Variants in DST observed in about 807,000 individuals in gnomAD.
DST encodes the protein dystonin.
A neutral mutation model predicts 875.2 loss-of-function variants in DST; 253 were observed. That is an observed-to-expected ratio of 0.29 (90% CI 0.26 to 0.32). The LOEUF is 0.32. DST is among the 10% of genes least tolerant of loss of function. The pLI, the probability that DST is intolerant of heterozygous loss-of-function variation, is 1.00. For synonymous variants in DST, 3,124 were observed against 3,197.1 expected, an observed-to-expected ratio of 0.98 and a Z score of 0.77; for missense variants, 8,287 against 9,111.6, an observed-to-expected ratio of 0.91 and a Z score of 3.68.
At chr6:56,747,117 G>A (rs558951913) in intron 4 of DST, among the ~76,000 whole-genome samples, 4 of 152,186 alleles carry the variant, frequency 2.6e-5, no homozygotes, top group Non-Finnish European at 4.4e-5. Flanking sequence ...ATTATACTGC[G>A]TGAAGAGTCT....
chr6:56,841,074 A>T (rs149756924), intron 4 of DST, among the ~76,000 whole-genome samples: 78 of 152,340 alleles, frequency 5.1e-4, no homozygotes, highest in African/African-American at 1.6e-3. Flanking sequence ...CTGAACGTTT[A>T]GTGAACTGAC....
chr6:56,851,830 A>G (rs1319485123), intron 3 of DST: 15 of 1,551,686 alleles, frequency 9.7e-6, no homozygotes, highest in Non-Finnish European at 1.2e-5. Context: ...AACAATACAC[A>G]GGCAGTTTCA....
chr6:56,744,507 T>C (rs1406557235), intron 4 of DST, among the ~76,000 whole-genome samples: 1 of 152,120 alleles, frequency 6.6e-6, no homozygotes, highest in Non-Finnish European at 1.5e-5. Context: ...AGTAAAAATA[T>C]TGCAAGTAAA....
chr6:56,611,685 G>T (rs2098546579), intron 37 of DST, 89 bp from the exon 38 acceptor site: 9 of 919,496 alleles, frequency 9.8e-6, no homozygotes, highest in Non-Finnish European at 1.5e-5. Flanking sequence ...TCAAGCTTTA[G>T]TCAAGACCCA....
In DST at chr6:56,509,893, A is replaced by G; in HGVS notation, c.18781-20T>C. The G allele has an allele frequency of 6.5e-7, 1 of 1,536,622 alleles. No individual in the cohort carries two copies. The highest frequency in any genetic ancestry group is 8.8e-7 in the Non-Finnish European group (1 of 1,136,726). ...ATGGAACTAGGGGCAAAACAAAGAG[A>G]TCTTTTATGGAAAAAAGATCTGTAA... On this transcript the variant is annotated intron_variant, in intron 73 of 103. Coordinates refer to ENST00000680361, the MANE Select transcript of DST (RefSeq NM_001374736.1).
chr6:56,735,225 G>T lies in DST; in HGVS notation c.687+3C>A. The T allele has an allele frequency of 1.3e-6, 2 of 1,542,212 alleles. No individual in the cohort carries two copies. The highest frequency in any genetic ancestry group is 2.4e-5 in the South Asian group (2 of 83,244). On this transcript the variant is annotated splice_donor_region_variant and intron_variant, in intron 5 of 103. Coordinates refer to ENST00000680361, the MANE Select transcript of DST (RefSeq NM_001374736.1). ...CCAGGAAGTGAACGAAATAAAAACT[G>T]ACCTTCATGAGATGCTGATTTATCC... is the stretch of plus-strand genomic sequence containing the variant.
intron 2 of DST, among the ~76,000 whole-genome samples, chr6:56,909,645 T>C (rs62411418): frequency 0.053 from 8,128 of 152,302 alleles, 342 homozygotes; most frequent in East Asian, 0.16. Context: ...CAGAACCACC[T>C]TGAAGGCTCA....
intron 49 of DST, among the ~76,000 whole-genome samples, chr6:56,591,242 C>T (rs1033727267): frequency 3.3e-5 from 5 of 152,176 alleles, no homozygotes; most frequent in South Asian, 2.1e-4. Context: ...GACTGAGAAT[C>T]GCACTGTTAT....
In DST at chr6:56,605,514, G is replaced by T; in HGVS notation, c.9114C>A (p.Gly3038=). 6.2e-7 allele frequency: 1 copy of T among 1,612,810 alleles called. No individual in the cohort carries two copies. The highest frequency in any genetic ancestry group is 8.5e-7 in the Non-Finnish European group (1 of 1,179,274). ...CATCTTCTATTAGAATATCACTTTT[G>T]CCATCTCTCCCTTTAATGAGATCGC... The part of the protein sequence containing the change: ...NGSDLIKGRD[G]KSDILIEDET... Residue 3038 remains glycine (G), a synonymous_variant, in exon 40 of 104, where the codon GGC becomes GGA. Coordinates refer to ENST00000680361, the MANE Select transcript of DST (RefSeq NM_001374736.1).
At position 56,624,621 on chromosome 6, in the gene DST, T is replaced by C. The variant is rs763518160; in HGVS notation, c.4838A>G (p.Asp1613Gly). ...CAGGGCAGTATATCGAGTCCTTAGG[T>C]CCATGAACTGCAAGTAAGGAAAAAA... ...SADLIIQEFM[D>G]LRTRYTALVT... The change falls in exon 36 of 104, where the codon GAC (aspartate) becomes GGC (glycine). Residue 1613 changes from aspartate (D) to glycine (G), a missense_variant. Asp to Gly is a moderately conservative substitution (Grantham distance 94). Transcript: ENST00000680361. 6.2e-7 allele frequency: 1 copy of C among 1,607,992 alleles called. No homozygotes were observed. Among genetic ancestry groups the C allele is most frequent in the Non-Finnish European group, 8.5e-7 (1 of 1,174,884 alleles).
chr6:56,731,273 T>C (rs1476907445), intron 5 of DST, among the ~76,000 whole-genome samples: 1 of 152,202 alleles, frequency 6.6e-6, no homozygotes, highest in Non-Finnish European at 1.5e-5. Flanking sequence ...ATCAAAAGAT[T>C]AAGAAACAGG....
intron 3 of DST, among the ~76,000 whole-genome samples, chr6:56,880,400 A>C (rs963215065): frequency 1.3e-5 from 2 of 152,246 alleles, no homozygotes; most frequent in Non-Finnish European, 2.9e-5. Context: ...AGAAAGCAGT[A>C]TATTAGGCCA....
At chr6:56,587,522 C>A (rs975150706) in intron 49 of DST, among the ~76,000 whole-genome samples, 2 of 152,034 alleles carry the variant, frequency 1.3e-5, no homozygotes, top group African/African-American at 2.4e-5. Flanking sequence ...CCCAATCTAG[C>A]AAGGCAGGCC....
At chr6:56,602,461 CTCCTTGT>C (rs1003401505) in intron 43 of DST, among the ~76,000 whole-genome samples, 1 of 151,922 alleles carries the variant, frequency 6.6e-6, no homozygotes, top group Non-Finnish European at 1.5e-5. Context: ...TGTAAGTACA[CTCCTTGT>C]TGTTTGCAAA....
At chr6:56,636,453 C>T (rs999500323) in intron 23 of DST, 104 bp downstream of exon 23, 1 of 853,262 alleles carries the variant, frequency 1.2e-6, no homozygotes, top group South Asian at 1.4e-5. Context: ...TATATATATA[C>T]ACAGAAACAC....
intron 4 of DST, among the ~76,000 whole-genome samples, chr6:56,801,630 G>C (rs1311658759): frequency 1.3e-5 from 2 of 151,844 alleles, no homozygotes; most frequent in East Asian, 3.9e-4. Flanking sequence ...TGTTCATAAA[G>C]GACTTACATA....
rs994026153 is a variant in DST at position 56,642,410 on chromosome 6, A to C, written c.1872T>G (p.Ser624=). ...KLILAGNALQ[S]DSKRLESGVQ... is the part of the protein sequence containing the mutation. ...CCAATGGCTCCTAAAATTAACTTAC[A>C]GACTGAAGAGCATTTCCAGCAAGAA... is the stretch of plus-strand genomic sequence containing the variant. The change falls in exon 16 of 104, where the codon TCT becomes TCG. Residue 624 remains serine, a splice_region_variant and synonymous_variant. Transcript: ENST00000680361. 6.2e-6 allele frequency: 10 copies of C among 1,608,730 alleles called. No individual in the cohort carries two copies. Among genetic ancestry groups the C allele is most frequent in the Non-Finnish European group, 1.7e-6 (2 of 1,175,212 alleles).
Position 56,716,163 on chromosome 6 carries a change from A to C in DST, c.688-11794T>G, listed in dbSNP as rs1026842700. ...GTGTCTAGATAAATCAAATTTCAAGACTGAATAATGAATCGTAAAACAAAA... is the reference window on the plus strand; with the variant it reads ...GTGTCTAGATAAATCAAATTTCAAGCCTGAATAATGAATCGTAAAACAAAA... On this transcript the variant is annotated intron_variant, in intron 5 of 103. Coordinates refer to ENST00000680361, the MANE Select transcript of DST (RefSeq NM_001374736.1). Among the ~76,000 whole-genome samples, 41 of 152,214 alleles carry C rather than the reference A, an allele frequency of 2.7e-4. 1 individual carries two copies. The highest frequency in any genetic ancestry group is 2.6e-4 in the Non-Finnish European group (18 of 68,044).
intron 2 of DST, among the ~76,000 whole-genome samples, chr6:56,911,803 T>C (rs1798899969): frequency 1.3e-5 from 2 of 152,180 alleles, no homozygotes; most frequent in Admixed American, 1.3e-4. Flanking sequence ...TTAAAGTGCT[T>C]TTTAATTATA....
Sources: allele counts gnomAD v4.1 joint callset (sites outside exome capture counted in the v4.1 genomes callset), GRCh38; gene constraint gnomAD v4.1.1; transcripts MANE v1.5; gene names NCBI Gene and HGNC (gene_info 2026-07-23, HGNC 2026-07-21).